KLF8: variants seen among roughly 807,000 people sequenced by gnomAD.
KLF8 encodes Krueppel-like factor 8.
Under a neutral mutation model 18.2 loss-of-function variants are expected in KLF8, and 10 were observed. The ratio of observed to expected loss-of-function variants is 0.55; its 90% CI spans 0.34 to 0.93. The LOEUF is 0.93. Among genes scored for constraint, KLF8 ranks in the 40% least tolerant of loss-of-function variants. The pLI is 0.02. For missense variants in KLF8, 264 were observed against 277.9 expected, an observed-to-expected ratio of 0.95 and a Z score of 0.36; for synonymous variants, 109 against 97.3, an observed-to-expected ratio of 1.12 and a Z score of -0.71.
At chrX:55,944,949 C>T in the KLF8 span, among the ~76,000 whole-genome samples, 2 of 111,018 alleles carry the variant, frequency 1.8e-5, no homozygotes, top group African/African-American at 3.3e-5. Context: ...ATCTTTCCTG[C>T]TTTCTCTTGT....
the KLF8 span, among the ~76,000 whole-genome samples, chrX:56,143,264 T>C: frequency 1.8e-5 from 2 of 112,166 alleles, no homozygotes; most frequent in Non-Finnish European, 3.8e-5. Context: ...TTGTCCTATG[T>C]CTTTCTCAGT....
chrX:55,975,775 T>C, the KLF8 span, among the ~76,000 whole-genome samples: 1 of 110,298 alleles, frequency 9.1e-6, no homozygotes, highest in Admixed American at 9.6e-5. Context: ...AGGGAATGGC[T>C]GACTTTTTTA....
At chrX:56,154,211 A>G in the KLF8 span, among the ~76,000 whole-genome samples, 3 of 111,831 alleles carry the variant, frequency 2.7e-5, no homozygotes, top group African/African-American at 9.8e-5. Context: ...CCAAAACAGC[A>G]TGGTACTGGT....
chrX:56,202,512 G>A, the KLF8 span, among the ~76,000 whole-genome samples: 7 of 108,773 alleles, frequency 6.4e-5, no homozygotes, highest in Non-Finnish European at 1.3e-4. Context: ...CTATCAAATA[G>A]TAGGTCTTAT....
chrX:56,184,068 G>A, the KLF8 span, among the ~76,000 whole-genome samples: 1 of 112,560 alleles, frequency 8.9e-6, no homozygotes, highest in Admixed American at 9.4e-5. Flanking sequence ...GCAGAGTGAG[G>A]CATTGCCTCA....
chrX:56,262,263 C>T (rs1602443944), intron 2 of KLF8, among the ~76,000 whole-genome samples: 1 of 111,946 alleles, frequency 8.9e-6, no homozygotes, highest in African/African-American at 3.3e-5. Flanking sequence ...AACACTGTAT[C>T]TCATCAAGGC....
chrX:56,178,396 T>A, the KLF8 span, among the ~76,000 whole-genome samples: 1 of 112,287 alleles, frequency 8.9e-6, no homozygotes, highest in Non-Finnish European at 1.9e-5. Flanking sequence ...TTTTGTCACA[T>A]GGGTAGATTG....
chrX:55,986,152 G>T, the KLF8 span, among the ~76,000 whole-genome samples: 28 of 111,100 alleles, frequency 2.5e-4, no homozygotes, highest in African/African-American at 8.2e-4. Flanking sequence ...TGATTGCCCT[G>T]GCCAAAACTT....
the KLF8 span, among the ~76,000 whole-genome samples, chrX:56,100,138 A>T: frequency 9.0e-6 from 1 of 111,277 alleles, no homozygotes. Context: ...GTCAGTGCTC[A>T]TTCACCATTC....
chrX:56,157,720 C>T, the KLF8 span, among the ~76,000 whole-genome samples: 2 of 111,601 alleles, frequency 1.8e-5, no homozygotes, highest in South Asian at 7.5e-4. Context: ...ATACTTCACC[C>T]TCTTTTTGAT....
the KLF8 span, among the ~76,000 whole-genome samples, chrX:56,135,846 T>A: frequency 9.0e-6 from 1 of 111,339 alleles, no homozygotes; most frequent in Non-Finnish European, 1.9e-5. Flanking sequence ...CATACCAGAA[T>A]CTCTTGGATA....
At chrX:55,986,149 C>T in the KLF8 span, among the ~76,000 whole-genome samples, 1 of 111,060 alleles carries the variant, frequency 9.0e-6, no homozygotes, top group African/African-American at 3.3e-5. Flanking sequence ...TCCTGATTGC[C>T]CTGGCCAAAA....
At chrX:56,251,896 T>C (rs1157834958) in intron 2 of KLF8, among the ~76,000 whole-genome samples, 2 of 112,120 alleles carry the variant, frequency 1.8e-5, no homozygotes, top group Admixed American at 9.5e-5. Flanking sequence ...ATTTATCCTT[T>C]GTGTTACAAA....
At chrX:56,117,344 G>A in the KLF8 span, among the ~76,000 whole-genome samples, 5 of 111,716 alleles carry the variant, frequency 4.5e-5, no homozygotes, top group African/African-American at 1.6e-4. Context: ...CTATTGCAAG[G>A]CTTGTGCTGA....
the KLF8 span, among the ~76,000 whole-genome samples, chrX:56,044,793 T>A: frequency 1.8e-5 from 2 of 112,539 alleles, no homozygotes; most frequent in Non-Finnish European, 3.8e-5. Context: ...GAGTCTTAAC[T>A]TGTGAGGTGC....
At chrX:56,106,881 C>G in the KLF8 span, among the ~76,000 whole-genome samples, 1 of 111,972 alleles carries the variant, frequency 8.9e-6, no homozygotes, top group Non-Finnish European at 1.9e-5. Context: ...ATATTGGTGA[C>G]CTACAGATGG....
At chrX:56,130,651 G>GA in the KLF8 span, among the ~76,000 whole-genome samples, 10 of 111,219 alleles carry the variant, frequency 9.0e-5, no homozygotes, top group South Asian at 3.8e-4. Context: ...TCCAAGCCAA[G>GA]AAAAAAATCC....
the KLF8 span, among the ~76,000 whole-genome samples, chrX:56,222,333 A>G: frequency 1.8e-5 from 2 of 110,131 alleles, no homozygotes; most frequent in African/African-American, 3.3e-5. Flanking sequence ...TTATCTAGAC[A>G]TAAAGATTCT....
chrX:56,210,859 T>C, the KLF8 span, among the ~76,000 whole-genome samples: 1 of 109,482 alleles, frequency 9.1e-6, no homozygotes, highest in Non-Finnish European at 1.9e-5. Context: ...AATTGCATTT[T>C]TCAGCTCCAG....
Sources: gnomAD v4.1 joint callset for allele counts (sites outside exome capture counted in the v4.1 genomes callset) on GRCh38, gnomAD v4.1.1 for gene constraint, MANE v1.5 for transcripts, NCBI Gene and HGNC (gene_info 2026-07-23, HGNC 2026-07-21) for gene names.